ARHGAP26: variants seen among roughly 807,000 people sequenced by gnomAD.
ARHGAP26 encodes Rho GTPase activating protein 26.
A neutral mutation model predicts 104.8 loss-of-function variants in ARHGAP26; 38 were observed. The observed-to-expected ratio is 0.36, with a 90% CI of 0.28 to 0.48. The LOEUF is 0.48. Ranked by LOEUF, ARHGAP26 falls within the 20% of genes least tolerant of loss-of-function variation. The pLI is 0.99. For synonymous variants in ARHGAP26, 341 were observed against 340.0 expected, an observed-to-expected ratio of 1.00 and a Z score of -0.03; for missense variants, 704 against 947.9, an observed-to-expected ratio of 0.74 and a Z score of 3.38.
chr5:142,913,842 G>T (rs1762148166), intron 10 of ARHGAP26, among the ~76,000 whole-genome samples: 1 of 152,152 alleles, frequency 6.6e-6, no homozygotes, highest in Admixed American at 6.5e-5. Context: ...AGAGCCGTGT[G>T]TTGTATTCCT....
At chr5:142,816,919 G>T (rs1009117523) in intron 1 of ARHGAP26, among the ~76,000 whole-genome samples, 2 of 152,236 alleles carry the variant, frequency 1.3e-5, no homozygotes, top group East Asian at 3.9e-4. Flanking sequence ...GCAGGTAGGA[G>T]ACAGAGTGTG....
chr5:142,890,147 AAAAAATATATATAT>A (rs1350926272), intron 5 of ARHGAP26, among the ~76,000 whole-genome samples: 2 of 78,572 alleles, frequency 2.5e-5, no homozygotes, highest in African/African-American at 5.8e-5. Context: ...AAAAAAAAAA[AAAAAATATATATAT>A]ATATATATAT....
At position 142,876,701 on chromosome 5, in the gene ARHGAP26, A is replaced by T. The variant is rs118134771; in HGVS notation, c.312+1530A>T. Among the ~76,000 whole-genome samples, 406 of 144,420 alleles carry T rather than the reference A, an allele frequency of 2.8e-3. 8 individuals carry two copies. In the East Asian group the frequency reaches 0.051, roughly 18 times the overall value. 94.7% of individuals were successfully genotyped at this position (144,420 alleles called of 152,430 possible). On this transcript the variant is annotated intron_variant, in intron 3 of 22. Transcript: ENST00000645722. Reference sequence around the variant, plus strand: ...AGGAGGGAGGAGGATCGCTTGTGCCAGGGAGGTCAAGGCTGCAGTGATCTG... The same window carrying T: ...AGGAGGGAGGAGGATCGCTTGTGCCTGGGAGGTCAAGGCTGCAGTGATCTG...
At chr5:143,133,220 C>A (rs1309401692) in intron 18 of ARHGAP26, among the ~76,000 whole-genome samples, 1 of 149,792 alleles carries the variant, frequency 6.7e-6, no homozygotes, top group Non-Finnish European at 1.5e-5. Flanking sequence ...GCCCCTCCTC[C>A]AAAAAAAAAG....
chr5:143,094,632 T>G (rs1378944765), intron 17 of ARHGAP26, among the ~76,000 whole-genome samples: 1 of 152,236 alleles, frequency 6.6e-6, no homozygotes, highest in Non-Finnish European at 1.5e-5. Flanking sequence ...GGAACAATGG[T>G]GAGCACACAC....
intron 12 of ARHGAP26, among the ~76,000 whole-genome samples, chr5:143,027,348 C>CT (rs34130538): frequency 0.012 from 1,577 of 133,316 alleles, 20 homozygotes; most frequent in African/African-American, 0.03. Context: ...ATTTTTTTTT[C>CT]TTTTTTTTTT....
chr5:142,791,169 C>T (rs963533818), intron 1 of ARHGAP26, among the ~76,000 whole-genome samples: 9 of 151,836 alleles, frequency 5.9e-5, no homozygotes, highest in African/African-American at 2.4e-5. Flanking sequence ...ACCTCCACCT[C>T]CCAGGTTCAA....
chr5:143,157,090 A>G (rs1048943203), intron 20 of ARHGAP26, among the ~76,000 whole-genome samples: 1 of 152,016 alleles, frequency 6.6e-6, no homozygotes, highest in Non-Finnish European at 1.5e-5. Flanking sequence ...CAGATTAGAG[A>G]TGTCTAAATC....
intron 20 of ARHGAP26, among the ~76,000 whole-genome samples, chr5:143,184,533 G>T (rs1302452636): frequency 1.3e-5 from 2 of 152,124 alleles, no homozygotes; most frequent in Non-Finnish European, 2.9e-5. Context: ...CTATAATTCA[G>T]TGTTCAGACT....
intron 1 of ARHGAP26, among the ~76,000 whole-genome samples, chr5:142,796,054 CTGTGTGTGTGTG>C (rs71890315): frequency 1.3e-3 from 184 of 144,150 alleles, no homozygotes; most frequent in African/African-American, 2.3e-3. Flanking sequence ...AGGTGTTTTT[CTGTGTGTGTGTG>C]TGTGTGTGTG....
rs556439505 is a variant in ARHGAP26 at position 143,054,423 on chromosome 5, C to T, written c.1286-16C>T. On this transcript the variant is annotated splice_polypyrimidine_tract_variant and intron_variant, in intron 14 of 22. Coordinates refer to ENST00000645722, the MANE Select transcript of ARHGAP26 (RefSeq NM_001135608.3). ...TTTTATGCTGTGCTTTATGTATTGT[C>T]TTTTCTTCATTTTAGACCCCAAGAC... The T allele has an allele frequency of 6.3e-7, 1 of 1,593,054 alleles. No homozygotes were observed. The highest frequency in any genetic ancestry group is 8.6e-7 in the Non-Finnish European group (1 of 1,166,984).
At chr5:143,132,585 GAT>G (rs1166330049) in intron 18 of ARHGAP26, among the ~76,000 whole-genome samples, 1 of 151,990 alleles carries the variant, frequency 6.6e-6, no homozygotes, top group Non-Finnish European at 1.5e-5. Context: ...GAAATTATAT[GAT>G]ACAAACAGAA....
At chr5:143,088,102 C>T (rs957432919) in intron 17 of ARHGAP26, among the ~76,000 whole-genome samples, 2 of 152,222 alleles carry the variant, frequency 1.3e-5, no homozygotes, top group African/African-American at 2.4e-5. Flanking sequence ...CTGTTCCTCA[C>T]GGAATCCTTC....
intron 1 of ARHGAP26, among the ~76,000 whole-genome samples, chr5:142,827,461 G>A (rs543049629): frequency 1.3e-5 from 2 of 152,352 alleles, no homozygotes; most frequent in Non-Finnish European, 2.9e-5. Context: ...ATTATTAATG[G>A]TTGTAGAATT....
chr5:142,770,902 A>G lies in ARHGAP26; in HGVS notation c.141A>G (p.Ile47Met). Residue 47 changes from isoleucine (I) to methionine (M), a missense_variant, in exon 1 of 23, where the codon ATA becomes ATG. By Grantham distance (10) the Ile-to-Met change is conservative. Coordinates refer to ENST00000645722, the MANE Select transcript of ARHGAP26 (RefSeq NM_001135608.3). ...TCATCAAGGACGGGAAGTCACTCAT[A>G]AGCGCGCTCAAGAGTGAGTGTCCCG... ...KELIKDGKSL[I>M]SALKNLSSAK... 6.2e-7 allele frequency: 1 copy of G among 1,606,784 alleles called. No individual in the cohort carries two copies. The highest frequency in any genetic ancestry group is 8.5e-7 in the Non-Finnish European group (1 of 1,176,150).
At chr5:142,771,208 G>A (rs950681288) in intron 1 of ARHGAP26, 50 of 1,278,960 alleles carry the variant, frequency 3.9e-5, no homozygotes, top group Non-Finnish European at 4.7e-5. Context: ...CGGCACGCAG[G>A]TGTCCCAGCA....
At chr5:143,067,525 A>G (rs1283041645) in intron 17 of ARHGAP26, among the ~76,000 whole-genome samples, 1 of 152,188 alleles carries the variant, frequency 6.6e-6, no homozygotes, top group Non-Finnish European at 1.5e-5. Context: ...GGGGGTTTGA[A>G]TTTTGGTATC....
At position 143,222,401 on chromosome 5, in the gene ARHGAP26, C is replaced by T. The variant is rs148916009; in HGVS notation, c.2235C>T (p.Asn745=). The part of the protein sequence containing the change: ...QEPGWLEGTL[N]GKTGLIPENY... ...CTGGCTGGTTGGAGGGGACTCTGAA[C>T]GGAAAGACTGGCCTCATCCCTGAGA... The change falls in exon 23 of 23, where the codon AAC becomes AAT. Residue 745 remains asparagine (N), a synonymous_variant. Transcript: ENST00000645722. 2.4e-5 allele frequency: 38 copies of T among 1,606,722 alleles called. No homozygotes were observed. Among genetic ancestry groups the T allele is most frequent in the African/African-American group, 2.3e-4 (17 of 74,828 alleles).
chr5:143,028,892 G>A (rs1781454184), intron 12 of ARHGAP26, among the ~76,000 whole-genome samples: 2 of 152,098 alleles, frequency 1.3e-5, no homozygotes. Flanking sequence ...GGTGCATGGG[G>A]GTCCCTGGAG....
Sources: gnomAD v4.1 joint callset for allele counts (sites outside exome capture counted in the v4.1 genomes callset) on GRCh38, gnomAD v4.1.1 for gene constraint, MANE v1.5 for transcripts, NCBI Gene and HGNC (gene_info 2026-07-23, HGNC 2026-07-21) for gene names.